TCF7L2: variants seen among roughly 807,000 people sequenced by gnomAD.
TCF7L2 encodes transcription factor 7 like 2.
In TCF7L2, 23 loss-of-function variants were observed where a neutral mutation model predicts 77.9. The observed-to-expected ratio is 0.30, with a 90% CI of 0.21 to 0.42. The LOEUF (loss-of-function observed/expected upper bound fraction) is 0.42, where lower values mean the gene tolerates loss of function less well. Among genes scored for constraint, TCF7L2 ranks in the 10% least tolerant of loss-of-function variants. The pLI, the probability that TCF7L2 is intolerant of heterozygous loss-of-function variation, is 1.00. For missense variants in TCF7L2, 654 were observed against 793.1 expected (o/e 0.82, Z 2.11); for synonymous variants, 413 against 340.2 (o/e 1.21, Z -2.36).
chr10:113,095,959 C>T (rs920210519), intron 5 of TCF7L2, among the ~76,000 whole-genome samples: 1 of 152,148 alleles, frequency 6.6e-6, no homozygotes, highest in Non-Finnish European at 1.5e-5. Context: ...AAAGGTCACT[C>T]GTAGAGAAGA....
chr10:113,042,088 T>A (rs1045452384), intron 5 of TCF7L2, among the ~76,000 whole-genome samples: 1 of 152,164 alleles, frequency 6.6e-6, no homozygotes, highest in African/African-American at 2.4e-5. Context: ...GCAAAGATCC[T>A]CCACCTCAAA....
intron 4 of TCF7L2, among the ~76,000 whole-genome samples, chr10:113,002,319 T>C (rs2044632178): frequency 6.6e-6 from 1 of 152,154 alleles, no homozygotes; most frequent in Admixed American, 6.5e-5. Flanking sequence ...GTTGTTTAGG[T>C]CGGCGGTTTT....
chr10:113,125,767 A>G (rs1424748278), intron 5 of TCF7L2: 1 of 151,188 alleles, frequency 6.6e-6, no homozygotes, highest in East Asian at 1.9e-4. Flanking sequence ...TAAAGTCTAT[A>G]GCAAAAAGCT....
At chr10:113,078,165 T>G (rs1321053597) in intron 5 of TCF7L2, among the ~76,000 whole-genome samples, 1 of 152,188 alleles carries the variant, frequency 6.6e-6, no homozygotes, top group Admixed American at 6.5e-5. Flanking sequence ...ATATTTGCTT[T>G]AATTTTCCAA....
At chr10:113,062,880 G>A (rs937579730) in intron 5 of TCF7L2, among the ~76,000 whole-genome samples, 3 of 152,136 alleles carry the variant, frequency 2.0e-5, no homozygotes, top group African/African-American at 7.2e-5. Flanking sequence ...AATACATTGG[G>A]CATGATGGTT....
intron 5 of TCF7L2, among the ~76,000 whole-genome samples, chr10:113,068,251 A>T (rs1051973188): frequency 4.6e-5 from 7 of 152,238 alleles, no homozygotes; most frequent in African/African-American, 1.4e-4. Context: ...TGACTGGACA[A>T]AATAGAACAA....
chr10:113,149,010 C>T (rs893851199), intron 8 of TCF7L2, among the ~76,000 whole-genome samples: 6 of 152,158 alleles, frequency 3.9e-5, no homozygotes, highest in African/African-American at 1.4e-4. Flanking sequence ...CCTCCCTCTC[C>T]CTCTCACGTC....
chr10:112,998,089 G>C (rs547245771), intron 4 of TCF7L2, among the ~76,000 whole-genome samples: 3 of 151,542 alleles, frequency 2.0e-5, no homozygotes, highest in Middle Eastern at 3.2e-3. Context: ...AGGGGCCCAG[G>C]TTCTGGTCCT....
chr10:113,100,935 C>T (rs960842270), intron 5 of TCF7L2, among the ~76,000 whole-genome samples: 6 of 152,098 alleles, frequency 3.9e-5, no homozygotes, highest in African/African-American at 7.2e-5. Context: ...ATTAGGCAGG[C>T]GTGGTGGCGT....
chr10:113,150,319 C>G (rs1049736456), intron 8 of TCF7L2, among the ~76,000 whole-genome samples: 7 of 145,300 alleles, frequency 4.8e-5, no homozygotes, highest in Middle Eastern at 3.4e-3. Context: ...CCTTTCCTTT[C>G]CTTTTTTTTT....
intron 4 of TCF7L2, among the ~76,000 whole-genome samples, chr10:113,006,153 G>A (rs1564774574): frequency 1.3e-5 from 2 of 152,126 alleles, no homozygotes. Flanking sequence ...TGGAACTTGG[G>A]AGAGGCGGCA....
At chr10:112,975,314 T>C (rs1478270706) in intron 4 of TCF7L2, among the ~76,000 whole-genome samples, 1 of 152,168 alleles carries the variant, frequency 6.6e-6, no homozygotes, top group African/African-American at 2.4e-5. Context: ...AGGCTCGGTC[T>C]GGAAACTGGC....
At chr10:113,156,115 CTTTTTT>C (rs35516476) in intron 11 of TCF7L2, among the ~76,000 whole-genome samples, 1 of 120,726 alleles carries the variant, frequency 8.3e-6, no homozygotes, top group Non-Finnish European at 1.8e-5. Context: ...TTCTTTCTTT[CTTTTTT>C]TTTTTTTTTT....
intron 5 of TCF7L2, among the ~76,000 whole-genome samples, chr10:113,131,837 C>G (rs776686110): frequency 9.9e-5 from 15 of 152,170 alleles, no homozygotes; most frequent in Non-Finnish European, 7.3e-5. Context: ...GACATGCCCT[C>G]CAGATTACGT....
intron 4 of TCF7L2, among the ~76,000 whole-genome samples, chr10:113,025,247 G>A (rs1271745056): frequency 6.9e-6 from 1 of 144,408 alleles, no homozygotes; most frequent in South Asian, 2.2e-4. Flanking sequence ...TTTTTGAGAC[G>A]GAGTCTGGAA....
chr10:113,013,180 GTGATC>G (rs2046758815), intron 4 of TCF7L2, among the ~76,000 whole-genome samples: 1 of 147,936 alleles, frequency 6.8e-6, no homozygotes, highest in South Asian at 2.1e-4. Context: ...GTGCAGTGGC[GTGATC>G]TCAGCTCACT....
chr10:113,053,313 C>T (rs1276091102), intron 5 of TCF7L2, among the ~76,000 whole-genome samples: 2 of 152,126 alleles, frequency 1.3e-5, no homozygotes, highest in Non-Finnish European at 2.9e-5. Context: ...TTGGGCTTGG[C>T]TAAGTGCTGT....
At chr10:113,082,969 G>A (rs1165457516) in intron 5 of TCF7L2, among the ~76,000 whole-genome samples, 2 of 152,104 alleles carry the variant, frequency 1.3e-5, no homozygotes, top group Admixed American at 6.6e-5. Flanking sequence ...AAGGAGGGGT[G>A]AGCAGTGCTT....
At chr10:112,983,994 T>G (rs1441919461) in intron 4 of TCF7L2, among the ~76,000 whole-genome samples, 1 of 152,248 alleles carries the variant, frequency 6.6e-6, no homozygotes, top group East Asian at 1.9e-4. Flanking sequence ...CCCAGTCGAC[T>G]TGAAAACAAC....
Sources: gnomAD v4.1 joint callset for allele counts (sites outside exome capture counted in the v4.1 genomes callset) on GRCh38, gnomAD v4.1.1 for gene constraint, MANE v1.5 for transcripts, NCBI Gene and HGNC (gene_info 2026-07-23, HGNC 2026-07-21) for gene names.